The following BMP2K variants were observed in gnomAD, a reference collection of about 807,000 sequenced individuals.
The protein encoded by BMP2K is BMP-2-inducible protein kinase.
In BMP2K, 74 loss-of-function variants were observed where a neutral mutation model predicts 116.0. The observed-to-expected ratio is 0.64, with a 90% CI of 0.53 to 0.77. BMP2K has a LOEUF of 0.77. BMP2K is among the 30% of genes least tolerant of loss of function. The pLI is 0.00. For synonymous variants in BMP2K, 486 were observed against 502.5 expected (o/e 0.97, Z 0.44); for missense variants, 1,365 against 1,403.6 (o/e 0.97, Z 0.44).
At chr4:78,835,070 A>C (rs1006508473) in intron 3 of BMP2K, among the ~76,000 whole-genome samples, 1 of 152,172 alleles carries the variant, frequency 6.6e-6, no homozygotes, top group Non-Finnish European at 1.5e-5. Flanking sequence ...TTTAAAAGAT[A>C]CTTGAATCAA....
At chr4:78,858,279 C>T (rs1731600105) in intron 7 of BMP2K, among the ~76,000 whole-genome samples, 1 of 151,856 alleles carries the variant, frequency 6.6e-6, no homozygotes, top group African/African-American at 2.4e-5. Context: ...CATTTAATAT[C>T]TGTTGGTATC....
At chr4:78,871,155 A>C in intron 11 of BMP2K, 95 bp downstream of exon 11, 2 of 1,543,498 alleles carry the variant, frequency 1.3e-6, no homozygotes, top group Non-Finnish European at 1.7e-6. Flanking sequence ...GGGCACCTTG[A>C]ACTCTAGATT....
Position 78,912,076 on chromosome 4 carries a change from AGT to A in BMP2K, c.*47_*48del. The A allele has an allele frequency of 6.6e-7, 1 of 1,512,742 alleles. No homozygotes were observed. Among genetic ancestry groups the A allele is most frequent in the Non-Finnish European group, 8.9e-7 (1 of 1,119,332 alleles). 93.7% of individuals were successfully genotyped at this position (1,512,742 alleles called of 1,614,324 possible). On this transcript the variant is annotated 3_prime_UTR_variant, in exon 16 of 16. Transcript: ENST00000502613. The stretch of plus-strand genomic sequence containing the variant: ...TCGGCATTAACTCCTGTTTCAAAAA[AGT>A]GTGAACAGTTTTATGAATTTGAAAG...
At chr4:78,803,816 T>C (rs1331311207) in intron 1 of BMP2K, among the ~76,000 whole-genome samples, 2 of 152,202 alleles carry the variant, frequency 1.3e-5, no homozygotes, top group Admixed American at 1.3e-4. Context: ...GAGCATAATA[T>C]ATGATGATCC....
rs1430524948 is a variant in BMP2K, at chr4:78,776,398, T to G, written c.-146T>G. 1.0e-5 allele frequency: 8 copies of G among 785,612 alleles called. No homozygotes were observed. The highest frequency in any genetic ancestry group is 7.5e-5 in the African/African-American group (4 of 53,280). 48.7% of individuals were successfully genotyped at this position (785,612 alleles called of 1,614,324 possible). ...GGCGGCGGGGCCCAGGCTGTGCGCT[T>G]GGGGAGCGCGGAATGTGAGGCTTGG... is the stretch of plus-strand genomic sequence containing the variant. On this transcript the variant is annotated 5_prime_UTR_variant, in exon 1 of 16. Coordinates refer to ENST00000502613, the MANE Select transcript of BMP2K (RefSeq NM_198892.2).
At chr4:78,881,110 A>G (rs28674732) in intron 14 of BMP2K, among the ~76,000 whole-genome samples, 2,893 of 152,268 alleles carry the variant, frequency 0.019, 82 homozygotes, top group African/African-American at 0.063. Context: ...TCACTTCCAC[A>G]TTTATAAACT....
At chr4:78,780,847 T>C (rs1727470079) in intron 1 of BMP2K, among the ~76,000 whole-genome samples, 1 of 152,210 alleles carries the variant, frequency 6.6e-6, no homozygotes, top group Non-Finnish European at 1.5e-5. Flanking sequence ...AAATTTTTTA[T>C]ATGTGTCGTG....
At chr4:78,779,407 A>G (rs1727398773) in intron 1 of BMP2K, among the ~76,000 whole-genome samples, 1 of 152,238 alleles carries the variant, frequency 6.6e-6, no homozygotes, top group Admixed American at 6.5e-5. Context: ...CTTTAGCACT[A>G]CGCTTAGGGA....
intron 6 of BMP2K, among the ~76,000 whole-genome samples, chr4:78,850,086 C>T (rs376287270): frequency 6.6e-6 from 1 of 151,670 alleles, no homozygotes; most frequent in Non-Finnish European, 1.5e-5. Context: ...ATACCCCTTA[C>T]ACTCTTAAGG....
intron 5 of BMP2K, among the ~76,000 whole-genome samples, chr4:78,845,558 A>G (rs377469554): frequency 5.9e-5 from 9 of 151,726 alleles, no homozygotes; most frequent in East Asian, 5.8e-4. Flanking sequence ...AATATGTCAT[A>G]TCTACTTTAT....
In BMP2K at chr4:78,851,088, G is replaced by A. The variant is rs373314842; in HGVS notation, c.883+32G>A. On this transcript the variant is annotated intron_variant, in intron 7 of 15. Transcript: ENST00000502613. ...ATTTGGGAAAATGTATGAAAATATT[G>A]TAGGATACTGTACTTAGGGCCTACT... is the stretch of plus-strand genomic sequence containing the variant. 39 of 1,576,048 alleles carry A rather than the reference G, an allele frequency of 2.5e-5. No individual in the cohort carries two copies. In the African/African-American group the frequency reaches 3.7e-4, roughly 15 times the overall value.
chr4:78,871,427 G>C (rs1033679556), intron 11 of BMP2K, among the ~76,000 whole-genome samples: 19 of 152,144 alleles, frequency 1.2e-4, no homozygotes, highest in Admixed American at 1.3e-4. Context: ...CATTGTCTTA[G>C]ATTTTTGTCA....
chr4:78,779,003 T>C (rs1727379196), intron 1 of BMP2K, among the ~76,000 whole-genome samples: 1 of 152,236 alleles, frequency 6.6e-6, no homozygotes, highest in African/African-American at 2.4e-5. Flanking sequence ...TGCCCTGAAG[T>C]GTTTTTGCCA....
chr4:78,811,308 C>G (rs1729076926), intron 1 of BMP2K, among the ~76,000 whole-genome samples: 1 of 152,192 alleles, frequency 6.6e-6, no homozygotes, highest in Non-Finnish European at 1.5e-5. Context: ...GAGGGTAGGA[C>G]AGTAAACCCT....
At chr4:78,781,476 G>A (rs940985256) in intron 1 of BMP2K, among the ~76,000 whole-genome samples, 2 of 150,186 alleles carry the variant, frequency 1.3e-5, no homozygotes, top group Non-Finnish European at 3.0e-5. Context: ...GTTCAGACAT[G>A]TTTAGAGATG....
At chr4:78,795,625 T>C (rs947653896) in intron 1 of BMP2K, among the ~76,000 whole-genome samples, 1 of 152,116 alleles carries the variant, frequency 6.6e-6, no homozygotes, top group African/African-American at 2.4e-5. Flanking sequence ...GAGAAAATTT[T>C]CGCAACCTAC....
chr4:78,784,984 A>G (rs1037145117), intron 1 of BMP2K, among the ~76,000 whole-genome samples: 1 of 152,208 alleles, frequency 6.6e-6, no homozygotes, highest in African/African-American at 2.4e-5. Context: ...GCAATGAACA[A>G]TTTCAGGATT....
At position 78,815,558 on chromosome 4, in the gene BMP2K, G is replaced by C. The variant is rs532086347; in HGVS notation, c.179-10479G>C. On this transcript the variant is annotated intron_variant, in intron 1 of 15. Transcript: ENST00000502613. ...GCATGGCAAGAGAGAAATCGCCTGG[G>C]GAAAAACATACTTTGTTTCTTGTTC... Among the ~76,000 whole-genome samples the C allele has an allele frequency of 4.3e-4, 66 of 152,106 alleles. No individual in the cohort carries two copies. The South Asian group carries it at 9.1e-3, about 21-fold the overall frequency.
chr4:78,866,927 T>C (rs1732079709), intron 10 of BMP2K, among the ~76,000 whole-genome samples: 1 of 152,132 alleles, frequency 6.6e-6, no homozygotes, highest in Admixed American at 6.6e-5. Flanking sequence ...AGAGGGCATA[T>C]GAAGCTGGGT....
Sources: gnomAD v4.1 joint callset for allele counts (sites outside exome capture counted in the v4.1 genomes callset) on GRCh38, gnomAD v4.1.1 for gene constraint, MANE v1.5 for transcripts, NCBI Gene and HGNC (gene_info 2026-07-23, HGNC 2026-07-21) for gene names.